NCOA2: variants seen among roughly 807,000 people sequenced by gnomAD.
The protein encoded by NCOA2 is nuclear receptor coactivator 2, also known as class E basic helix-loop-helix protein 75.
A neutral mutation model predicts 145.1 loss-of-function variants in NCOA2; 21 were observed. The ratio of observed to expected loss-of-function variants is 0.14; its 90% CI spans 0.10 to 0.21. NCOA2 has a LOEUF of 0.21. Ranked by LOEUF, NCOA2 falls within the 10% of genes least tolerant of loss-of-function variation. The pLI, the probability that NCOA2 is intolerant of heterozygous loss-of-function variation, is 1.00. For missense variants in NCOA2, 1,472 were observed against 1,837.6 expected, an observed-to-expected ratio of 0.80 and a Z score of 3.64; for synonymous variants, 619 against 637.5, an observed-to-expected ratio of 0.97 and a Z score of 0.44.
rs1012577722 is a variant in NCOA2 at position 70,344,136 on chromosome 8, A to C, written c.-76-47336T>G. ...AGTTCTACAAGGACTAACTGGCATG[A>C]GCACAAACATTTCAGTGAGAAAACT... On this transcript the variant is annotated intron_variant, in intron 1 of 22. Coordinates refer to ENST00000452400, the MANE Select transcript of NCOA2 (RefSeq NM_006540.4). 7.9e-5 allele frequency among the ~76,000 whole-genome samples: 12 copies of C among 152,352 alleles called. No individual in the cohort carries two copies. The East Asian group carries it at 2.3e-3, about 29-fold the overall frequency.
At chr8:70,238,408 G>A (rs1375756415) in intron 2 of NCOA2, among the ~76,000 whole-genome samples, 1 of 127,762 alleles carries the variant, frequency 7.8e-6, no homozygotes, top group Non-Finnish European at 1.6e-5. Flanking sequence ...ATTTTACAGA[G>A]GAGAAAACAG....
chr8:70,433,925 G>C, the NCOA2 span, among the ~76,000 whole-genome samples: 1 of 152,160 alleles, frequency 6.6e-6, no homozygotes, highest in Non-Finnish European at 1.5e-5. Context: ...ATGTCCACTA[G>C]GCAGTCTGGT....
chr8:70,141,313 C>A lies in NCOA2; in HGVS notation c.2899G>T (p.Ala967Ser), dbSNP rs375393023. 1 of 1,613,916 alleles carries A rather than the reference C, an allele frequency of 6.2e-7. No individual in the cohort carries two copies. Among genetic ancestry groups the A allele is most frequent in the Non-Finnish European group, 8.5e-7 (1 of 1,179,874 alleles). Residue 967 changes from alanine to serine, a missense_variant, in exon 14 of 23, where the codon GCT (alanine) becomes TCT (serine). Ala to Ser is a moderately conservative substitution (Grantham distance 99). Transcript: ENST00000452400. The stretch of plus-strand genomic sequence containing the variant: ...GGCCGGTTCATGGCACTGGTGGTAG[C>A]AGCACAGGTGACTCTCACAGCCGAA... ...QSSAVRVTCA[A>S]TTSAMNRPVQ...
intron 1 of NCOA2, among the ~76,000 whole-genome samples, chr8:70,359,891 C>T (rs1412392090): frequency 6.6e-6 from 1 of 152,130 alleles, no homozygotes; most frequent in Non-Finnish European, 1.5e-5. Context: ...TAAAATTTTA[C>T]TTTGAATGTG....
Position 70,156,634 on chromosome 8 carries a change from C to T in NCOA2, c.1731G>A (p.Met577Ile). The T allele has an allele frequency of 1.2e-6, 2 of 1,613,986 alleles. No individual in the cohort carries two copies. The highest frequency in any genetic ancestry group is 1.7e-6 in the Non-Finnish European group (2 of 1,179,890). Reference sequence around the variant, plus strand: ...AACAGTCTTTTGAGTCCAAGCTTCCCATCTTGCTGAGTGGGGGAGGATTCA... The same window carrying T: ...AACAGTCTTTTGAGTCCAAGCTTCCTATCTTGCTGAGTGGGGGAGGATTCA... ...VNMNPPPLSKMGSLDSKDCFG... is the reference protein window; with the variant it reads ...VNMNPPPLSKIGSLDSKDCFG... Residue 577 changes from methionine (M) to isoleucine (I), a missense_variant, in exon 11 of 23, where the codon ATG becomes ATA. By Grantham distance (10) the Met-to-Ile change is conservative. Around this residue, in one of 4 missense-constraint regions of NCOA2, gnomAD observed 953 missense variants for 1,062.1 expected, o/e 0.90. Coordinates refer to ENST00000452400, the MANE Select transcript of NCOA2 (RefSeq NM_006540.4).
At chr8:70,198,289 A>G (rs1817553161) in intron 4 of NCOA2, among the ~76,000 whole-genome samples, 1 of 152,206 alleles carries the variant, frequency 6.6e-6, no homozygotes, top group East Asian at 1.9e-4. Flanking sequence ...TGATGTATAC[A>G]TTTGATCTAA....
At chr8:70,260,995 C>T (rs929324794) in intron 2 of NCOA2, among the ~76,000 whole-genome samples, 2 of 152,232 alleles carry the variant, frequency 1.3e-5, no homozygotes, top group African/African-American at 4.8e-5. Context: ...CACTTTCACA[C>T]TGTTGCTGGG....
intron 8 of NCOA2, 41 bp from the exon 9 acceptor site, chr8:70,162,895 A>G (rs1271919915): frequency 5.8e-6 from 7 of 1,198,626 alleles, no homozygotes; most frequent in Non-Finnish European, 5.7e-6. Flanking sequence ...ATGTTGATCT[A>G]TTCTTTATGG....
intron 1 of NCOA2, among the ~76,000 whole-genome samples, chr8:70,364,477 A>G (rs1344753850): frequency 6.6e-6 from 1 of 152,234 alleles, no homozygotes. Flanking sequence ...GAAAACAGCA[A>G]GAAACAGCGT....
chr8:70,151,611 C>A (rs1354594107), intron 11 of NCOA2, among the ~76,000 whole-genome samples: 1 of 152,074 alleles, frequency 6.6e-6, no homozygotes, highest in Non-Finnish European at 1.5e-5. Flanking sequence ...CTTAAGAAAG[C>A]CATTCAGGAT....
At chr8:70,300,668 T>G (rs140131115) in intron 1 of NCOA2, among the ~76,000 whole-genome samples, 8 of 152,094 alleles carry the variant, frequency 5.3e-5, no homozygotes, top group African/African-American at 1.9e-4. Context: ...ATTTTTTAAG[T>G]GAATGGATAG....
intron 4 of NCOA2, among the ~76,000 whole-genome samples, chr8:70,197,152 A>T (rs765355204): frequency 6.6e-6 from 1 of 152,212 alleles, no homozygotes; most frequent in Non-Finnish European, 1.5e-5. Context: ...TTTGATTCTT[A>T]GTATTAGACT....
intron 22 of NCOA2, among the ~76,000 whole-genome samples, chr8:70,120,566 C>A (rs1807684570): frequency 6.6e-6 from 1 of 151,932 alleles, no homozygotes; most frequent in Non-Finnish European, 1.5e-5. Context: ...ACTAAAAATA[C>A]AAAAATTAGC....
chr8:70,383,802 G>C (rs996347215), intron 1 of NCOA2, among the ~76,000 whole-genome samples: 3 of 152,104 alleles, frequency 2.0e-5, no homozygotes, highest in Non-Finnish European at 4.4e-5. Flanking sequence ...ACCGTGCCTG[G>C]CCTAGAAATT....
chr8:70,138,413 C>A, intron 14 of NCOA2, 81 bp from the exon 15 acceptor site: 3 of 1,327,968 alleles, frequency 2.3e-6, no homozygotes, highest in Non-Finnish European at 3.0e-6. Flanking sequence ...AGTGAAATGT[C>A]TGGTTTATGA....
At chr8:70,384,236 C>A (rs936339213) in intron 1 of NCOA2, among the ~76,000 whole-genome samples, 1 of 151,362 alleles carries the variant, frequency 6.6e-6, no homozygotes, top group South Asian at 2.1e-4. Context: ...GAAGCATCTA[C>A]TTACAGGATT....
intron 1 of NCOA2, among the ~76,000 whole-genome samples, chr8:70,351,913 A>C (rs1312355381): frequency 6.6e-6 from 1 of 151,924 alleles, no homozygotes; most frequent in East Asian, 1.9e-4. Flanking sequence ...ACAAGCAACT[A>C]ACTCTGGTTT....
chr8:70,251,910 C>A (rs1823214161), intron 2 of NCOA2, among the ~76,000 whole-genome samples: 1 of 152,210 alleles, frequency 6.6e-6, no homozygotes, highest in South Asian at 2.1e-4. Context: ...CCTATATCCA[C>A]AGGGTATTGG....
intron 1 of NCOA2, among the ~76,000 whole-genome samples, chr8:70,381,030 C>T (rs948783512): frequency 3.4e-5 from 5 of 148,490 alleles, no homozygotes; most frequent in Admixed American, 6.7e-5. Flanking sequence ...GGAGATGGCA[C>T]AACTGCACTC....
Sources: gnomAD v4.1 joint callset for allele counts (sites outside exome capture counted in the v4.1 genomes callset) on GRCh38, gnomAD v4.1.1 for gene constraint, gnomAD v4.1.1 regional missense constraint, MANE v1.5 for transcripts, NCBI Gene and HGNC (gene_info 2026-07-23, HGNC 2026-07-21) for gene names.